MRTFB: variants seen among roughly 807,000 people sequenced by gnomAD.
MRTFB encodes myocardin-related transcription factor B.
A neutral mutation model predicts 104.2 loss-of-function variants in MRTFB; 29 were observed. That is an observed-to-expected ratio of 0.28 (90% CI 0.21 to 0.38). The LOEUF is 0.38. Ranked by LOEUF, MRTFB falls within the 10% of genes least tolerant of loss-of-function variation. MRTFB has a pLI of 1.00. For synonymous variants in MRTFB, 535 were observed against 519.5 expected (o/e 1.03, Z -0.41); for missense variants, 1,270 against 1,341.6 (o/e 0.95, Z 0.83).
intron 2 of MRTFB, among the ~76,000 whole-genome samples, chr16:14,101,813 G>GT (rs1005758438): frequency 3.9e-5 from 6 of 151,954 alleles, no homozygotes; most frequent in African/African-American, 1.4e-4. Flanking sequence ...CAAGTTCTGA[G>GT]TTTTTTTAAA....
intron 3 of MRTFB, chr16:14,200,951 C>A: frequency 1.4e-6 from 2 of 1,435,500 alleles, no homozygotes; most frequent in Admixed American, 3.4e-5. Flanking sequence ...AGACAAAACA[C>A]TGGAGATGAT....
the MRTFB span, chr16:14,013,534 C>T: frequency 6.6e-6 from 1 of 152,180 alleles, no homozygotes; most frequent in African/African-American, 2.4e-5. Context: ...TGAAAACAGG[C>T]ATCTTCATTT....
intron 3 of MRTFB, chr16:14,149,140 A>G (rs1185678575): frequency 2.0e-5 from 3 of 152,336 alleles, no homozygotes; most frequent in South Asian, 4.1e-4. Flanking sequence ...GTTGGCACGT[A>G]TGCGTTAAGA....
chr16:14,100,977 CA>C (rs1429641675), intron 2 of MRTFB, among the ~76,000 whole-genome samples: 1 of 152,022 alleles, frequency 6.6e-6, no homozygotes, highest in Non-Finnish European at 1.5e-5. Flanking sequence ...GGAGGTTTAT[CA>C]ATTTTATTTA....
At chr16:14,205,684 C>G (rs891513712) in intron 3 of MRTFB, among the ~76,000 whole-genome samples, 2 of 152,064 alleles carry the variant, frequency 1.3e-5, no homozygotes, top group African/African-American at 4.8e-5. Flanking sequence ...TACTTATGTC[C>G]TTTGTTTCTG....
At chr16:14,242,820 C>T (rs138642338) in intron 10 of MRTFB, among the ~76,000 whole-genome samples, 244 of 152,028 alleles carry the variant, frequency 1.6e-3, no homozygotes, top group Non-Finnish European at 2.6e-3. Context: ...GAGTAAAATA[C>T]CAAACTGTTC....
At chr16:14,191,491 G>C (rs1030866934) in intron 3 of MRTFB, among the ~76,000 whole-genome samples, 2 of 152,288 alleles carry the variant, frequency 1.3e-5, no homozygotes, top group Admixed American at 1.3e-4. Context: ...CCTTATGCTA[G>C]TGTAATATAG....
At chr16:14,025,823 A>G in the MRTFB span, among the ~76,000 whole-genome samples, 15 of 152,368 alleles carry the variant, frequency 9.8e-5, no homozygotes, top group Middle Eastern at 6.8e-3. Flanking sequence ...ATTTTCCCAT[A>G]TATTAGCAAT....
rs781497266 is a variant in MRTFB at position 14,260,896 on chromosome 16, T to G, written c.2765-13T>G. The G allele has an allele frequency of 1.3e-6, 2 of 1,569,588 alleles. No homozygotes were observed. Among genetic ancestry groups the G allele is most frequent in the Non-Finnish European group, 1.7e-6 (2 of 1,160,648 alleles). ...AATCTTCAGTTACTAATTACTTCAT[T>G]TATTTTACACAGAGATCTCCCTCCC... is the stretch of plus-strand genomic sequence containing the variant. On this transcript the variant is annotated splice_polypyrimidine_tract_variant and intron_variant, in intron 16 of 16. Transcript: ENST00000571589.
chr16:14,027,619 T>C, the MRTFB span, among the ~76,000 whole-genome samples: 11 of 152,208 alleles, frequency 7.2e-5, no homozygotes, highest in Admixed American at 5.9e-4. Flanking sequence ...AAAGTGACTG[T>C]GATTGTATAA....
rs761324368 is a variant in MRTFB, at chr16:14,246,720, C to A, written c.1460C>A (p.Pro487His). Reference sequence around the variant, plus strand: ...TCTACTCTCAAGGCAGAATTGCCACCTACAGGAACCAGCAACGCAACCCGT... The same window carrying A: ...TCTACTCTCAAGGCAGAATTGCCACATACAGGAACCAGCAACGCAACCCGT... Reference protein sequence around the residue: ...SVSTLKAELPPTGTSNATRVE... With the variant: ...SVSTLKAELPHTGTSNATRVE... Residue 487 changes from proline (P) to histidine (H), a missense_variant, in exon 12 of 17, where the codon CCT becomes CAT. Pro to His is a moderately conservative substitution (Grantham distance 77, BLOSUM62 -2). Coordinates refer to ENST00000571589, the MANE Select transcript of MRTFB (RefSeq NM_001308142.2). 1 of 1,614,194 alleles carries A rather than the reference C, an allele frequency of 6.2e-7. No homozygotes were observed. Among genetic ancestry groups the A allele is most frequent in the Non-Finnish European group, 8.5e-7 (1 of 1,180,038 alleles).
At chr16:14,095,480 A>G (rs2035309709) in intron 2 of MRTFB, among the ~76,000 whole-genome samples, 1 of 152,236 alleles carries the variant, frequency 6.6e-6, no homozygotes, top group South Asian at 2.1e-4. Flanking sequence ...CATATAAAGT[A>G]CACATTATAA....
intron 2 of MRTFB, among the ~76,000 whole-genome samples, chr16:14,106,666 A>G (rs2035994470): frequency 6.6e-6 from 1 of 152,218 alleles, no homozygotes; most frequent in African/African-American, 2.4e-5. Flanking sequence ...TAACAATATT[A>G]TCTTCTGGTA....
At chr16:14,234,655 G>A (rs1025245674) in intron 9 of MRTFB, among the ~76,000 whole-genome samples, 2 of 152,082 alleles carry the variant, frequency 1.3e-5, no homozygotes, top group Non-Finnish European at 2.9e-5. Flanking sequence ...GTTAGCCAGA[G>A]GTGGTGGTGC....
chr16:14,017,698 TATATATATATATA>T, the MRTFB span, among the ~76,000 whole-genome samples: 1 of 32,128 alleles, frequency 3.1e-5, no homozygotes, highest in African/African-American at 6.9e-5. Flanking sequence ...TATATATATA[TATATATATATATA>T]TTTTTTTTTT....
intron 3 of MRTFB, among the ~76,000 whole-genome samples, chr16:14,174,666 G>A (rs2039525423): frequency 6.6e-6 from 1 of 152,186 alleles, no homozygotes; most frequent in South Asian, 2.1e-4. Flanking sequence ...CTGGGCCACA[G>A]AGTGAAACTT....
chr16:14,251,577 C>G (rs1209798445), intron 13 of MRTFB, among the ~76,000 whole-genome samples: 1 of 152,168 alleles, frequency 6.6e-6, no homozygotes, highest in Admixed American at 6.6e-5. Context: ...TAAGCAAACC[C>G]TGGCCTGTGG....
intron 2 of MRTFB, among the ~76,000 whole-genome samples, chr16:14,126,119 T>C (rs1653877528): frequency 6.6e-6 from 1 of 152,198 alleles, no homozygotes; most frequent in Admixed American, 6.5e-5. Flanking sequence ...CTTAATTCAC[T>C]AAGATTAGTT....
intron 8 of MRTFB, among the ~76,000 whole-genome samples, chr16:14,227,430 A>G (rs530384552): frequency 2.0e-5 from 3 of 152,216 alleles, no homozygotes; most frequent in Non-Finnish European, 2.9e-5. Flanking sequence ...CCAGATGCAC[A>G]TGCTGGTGCC....
Sources: gnomAD v4.1 joint callset for allele counts (sites outside exome capture counted in the v4.1 genomes callset) on GRCh38, gnomAD v4.1.1 for gene constraint, MANE v1.5 for transcripts, NCBI Gene and HGNC (gene_info 2026-07-23, HGNC 2026-07-21) for gene names.